GABRB1: variants seen among roughly 807,000 people sequenced by gnomAD.
GABRB1 encodes the protein gamma-aminobutyric acid type A receptor subunit beta1.
A neutral mutation model predicts 51.6 loss-of-function variants in GABRB1; 17 were observed. The ratio of observed to expected loss-of-function variants is 0.33; its 90% confidence interval spans 0.23 to 0.49. The LOEUF is 0.49. GABRB1 is among the 20% of genes least tolerant of loss of function. The pLI is 0.99. For missense variants in GABRB1, 410 were observed against 600.6 expected, an observed-to-expected ratio of 0.68 and a Z score of 3.32; for synonymous variants, 247 against 218.9, an observed-to-expected ratio of 1.13 and a Z score of -1.14.
intron 8 of GABRB1, among the ~76,000 whole-genome samples, chr4:47,422,180 A>G (rs928110537): frequency 1.3e-5 from 2 of 150,858 alleles, no homozygotes; most frequent in African/African-American, 4.8e-5. Flanking sequence ...CCATATCTCC[A>G]TGTGTAAAAT....
intron 4 of GABRB1, among the ~76,000 whole-genome samples, chr4:47,238,646 G>A (rs910397783): frequency 2.0e-5 from 3 of 152,094 alleles, no homozygotes; most frequent in Non-Finnish European, 4.4e-5. Flanking sequence ...CTAACTTCAA[G>A]TGGAAAACCA....
rs76321259 is a variant in GABRB1 at position 47,335,840 on chromosome 4, G to A, written c.544+15631G>A. Reference sequence around the variant, plus strand: ...TCACATGCCACGAAGACCATGAGAAGGGCAATCCAAGAGTAGGTCAAGGTG... The same window carrying A: ...TCACATGCCACGAAGACCATGAGAAAGGCAATCCAAGAGTAGGTCAAGGTG... On this transcript the variant is annotated intron_variant, in intron 5 of 8. Coordinates refer to ENST00000295454, the MANE Select transcript of GABRB1 (RefSeq NM_000812.4). Among the ~76,000 whole-genome samples, 112 of 152,244 alleles carry A rather than the reference G, an allele frequency of 7.4e-4. 1 individual carries two copies. The highest frequency in any genetic ancestry group is 2.6e-3 in the African/African-American group (106 of 41,564).
intron 4 of GABRB1, among the ~76,000 whole-genome samples, chr4:47,266,019 G>A (rs62304007): frequency 0.22 from 33,309 of 151,828 alleles, 3,805 homozygotes; most frequent in African/African-American, 0.27. Flanking sequence ...CTTTACTTAG[G>A]CCAATGTCCA....
intron 3 of GABRB1, among the ~76,000 whole-genome samples, chr4:47,082,443 A>G (rs1727889828): frequency 6.6e-6 from 1 of 152,116 alleles, no homozygotes; most frequent in South Asian, 2.1e-4. Flanking sequence ...TTCACACTAA[A>G]GCTTTGTACT....
intron 4 of GABRB1, among the ~76,000 whole-genome samples, chr4:47,212,039 T>C (rs1720377134): frequency 6.6e-6 from 1 of 152,160 alleles, no homozygotes; most frequent in Admixed American, 6.5e-5. Context: ...CAAGGATATC[T>C]TTAGGGACTA....
intron 4 of GABRB1, among the ~76,000 whole-genome samples, chr4:47,298,430 C>G (rs2109933716): frequency 6.6e-6 from 1 of 152,274 alleles, no homozygotes; most frequent in Non-Finnish European, 1.5e-5. Flanking sequence ...CACAAGCATT[C>G]TTATACACCA....
intron 4 of GABRB1, among the ~76,000 whole-genome samples, chr4:47,177,652 G>C (rs902254630): frequency 3.3e-5 from 5 of 152,030 alleles, no homozygotes; most frequent in African/African-American, 1.2e-4. Context: ...AAGAACTTCA[G>C]ATTTGGAATC....
intron 3 of GABRB1, among the ~76,000 whole-genome samples, chr4:47,151,212 T>C (rs1487502478): frequency 6.6e-6 from 1 of 152,004 alleles, no homozygotes; most frequent in Non-Finnish European, 1.5e-5. Flanking sequence ...TCAGAACTGC[T>C]TTATTTTTGG....
At chr4:47,382,538 G>T (rs765579241) in intron 5 of GABRB1, among the ~76,000 whole-genome samples, 2 of 152,154 alleles carry the variant, frequency 1.3e-5, no homozygotes, top group Non-Finnish European at 2.9e-5. Context: ...TTTCCTGTAA[G>T]TCAGGTAGCA....
intron 3 of GABRB1, among the ~76,000 whole-genome samples, chr4:47,067,929 T>C (rs1197846407): frequency 5.3e-5 from 8 of 152,164 alleles, no homozygotes; most frequent in Non-Finnish European, 8.8e-5. Context: ...CCCCTATGTG[T>C]CCATGTATTC....
In GABRB1 at chr4:46,999,460, T is replaced by C. The variant is rs140789179; in HGVS notation, c.-20+5534T>C. 2.8e-3 allele frequency among the ~76,000 whole-genome samples: 419 copies of C among 152,292 alleles called. 2 individuals are homozygous for C. The highest frequency in any genetic ancestry group is 9.9e-3 in the African/African-American group (412 of 41,560). ...AAATATGTTACGTTGTTTGTAATAG[T>C]GGAAACTTAGAAACAAATTAAATGT... On this transcript the variant is annotated intron_variant, in intron 1 of 3. Transcript: ENST00000513567.
At position 47,286,064 on chromosome 4, in the gene GABRB1, T is replaced by C. The variant is rs1043184152; in HGVS notation, c.462-34063T>C. On this transcript the variant is annotated intron_variant, in intron 4 of 8. Coordinates refer to ENST00000295454, the MANE Select transcript of GABRB1 (RefSeq NM_000812.4). ...AGAGACAAAAATCCAAATTACTAAA[T>C]CCATGAAAACTTTTTCTATGGTATG... is the stretch of plus-strand genomic sequence containing the variant. Among the ~76,000 whole-genome samples, 11 of 152,304 alleles carry C rather than the reference T, an allele frequency of 7.2e-5. 1 individual carries two copies. The highest frequency in any genetic ancestry group is 5.9e-4 in the Admixed American group (9 of 15,284).
intron 3 of GABRB1, among the ~76,000 whole-genome samples, chr4:47,119,500 C>T (rs1016334026): frequency 2.2e-5 from 3 of 137,774 alleles, no homozygotes; most frequent in Non-Finnish European, 3.1e-5. Context: ...AAAACATTTT[C>T]TTTTTCTTTC....
intron 4 of GABRB1, among the ~76,000 whole-genome samples, chr4:47,262,794 C>T (rs897569968): frequency 5.9e-5 from 9 of 152,004 alleles, no homozygotes; most frequent in Admixed American, 2.0e-4. Context: ...GGAACCAACC[C>T]AAATTCCAAC....
At chr4:47,123,468 A>G (rs28431442) in intron 3 of GABRB1, among the ~76,000 whole-genome samples, 3 of 114,082 alleles carry the variant, frequency 2.6e-5, no homozygotes, top group African/African-American at 1.1e-4. Flanking sequence ...TATATTATAT[A>G]TTATAATATA....
chr4:47,232,529 G>T (rs1721178228), intron 4 of GABRB1, among the ~76,000 whole-genome samples: 1 of 152,076 alleles, frequency 6.6e-6, no homozygotes, highest in African/African-American at 2.4e-5. Context: ...CTTTTGATGA[G>T]AACTCTAATC....
At chr4:47,298,571 G>A (rs1223934763) in intron 4 of GABRB1, among the ~76,000 whole-genome samples, 1 of 152,112 alleles carries the variant, frequency 6.6e-6, no homozygotes, top group African/African-American at 2.4e-5. Context: ...ACAAACCACT[G>A]CTCAATGAAA....
At chr4:47,020,074 C>T (rs920629724) in intron 1 of GABRB1, among the ~76,000 whole-genome samples, 1 of 152,166 alleles carries the variant, frequency 6.6e-6, no homozygotes, top group Non-Finnish European at 1.5e-5. Flanking sequence ...GCATGAGCCA[C>T]TGTGCCCAGC....
chr4:47,175,798 C>T (rs572960493), intron 4 of GABRB1, among the ~76,000 whole-genome samples: 97 of 152,248 alleles, frequency 6.4e-4, no homozygotes, highest in African/African-American at 2.2e-3. Context: ...CCTCAGAAAG[C>T]TATATGCTTA....
Sources: gnomAD v4.1 joint callset for allele counts (sites outside exome capture counted in the v4.1 genomes callset) on GRCh38, gnomAD v4.1.1 for gene constraint, MANE v1.5 for transcripts, NCBI Gene and HGNC (gene_info 2026-07-23, HGNC 2026-07-21) for gene names.